Variants in ANKRD40 observed in about 807,000 individuals in gnomAD.
ANKRD40 encodes ankyrin repeat domain-containing protein 40.
Under a neutral mutation model 35.5 loss-of-function variants are expected in ANKRD40, and 24 were observed. The ratio of observed to expected loss-of-function variants is 0.68; its 90% confidence interval spans 0.49 to 0.95. ANKRD40 has a LOEUF of 0.95. Among genes scored for constraint, ANKRD40 ranks in the 40% least tolerant of loss-of-function variants. The pLI is 0.00. For missense variants in ANKRD40, 361 were observed against 436.0 expected (o/e 0.83, Z 1.53); for synonymous variants, 147 against 173.5 (o/e 0.85, Z 1.20).
chr17:50,702,211 C>A (rs931515881), intron 1 of ANKRD40, among the ~76,000 whole-genome samples: 1 of 152,266 alleles, frequency 6.6e-6, no homozygotes, highest in East Asian at 1.9e-4. Flanking sequence ...TTGAGACCAG[C>A]CTGCCCAATA....
chr17:50,699,861 C>A lies in ANKRD40; in HGVS notation c.316G>T (p.Asp106Tyr), dbSNP rs753650876. The change falls in exon 3 of 5, where the codon GAC becomes TAC. Residue 106 changes from aspartate (D) to tyrosine (Y), a missense_variant. This residue lies in a region of ANKRD40 where 172 missense variants were observed against 174.0 expected (regional missense o/e 0.99). Transcript: ENST00000285243. ...EEEDDDDDDDDNLPQLKKESE... is the reference protein window; with the variant it reads ...EEEDDDDDDDYNLPQLKKESE... ...TCCTTCTTCAGCTGGGGGAGGTTGT[C>A]ATCATCATCATCATCATCATCTTCT... 8 of 1,486,060 alleles carry A rather than the reference C, an allele frequency of 5.4e-6. No individual in the cohort carries two copies. Among genetic ancestry groups the A allele is most frequent in the Non-Finnish European group, 7.2e-6 (8 of 1,115,244 alleles). 92.1% of individuals were successfully genotyped at this position (1,486,060 alleles called of 1,614,324 possible).
Position 50,696,855 on chromosome 17 carries a change from C to T in ANKRD40, c.960+85G>A, listed in dbSNP as rs1567842834. 16 of 1,229,140 alleles carry T rather than the reference C, an allele frequency of 1.3e-5. 1 individual carries two copies. In the South Asian group the frequency reaches 2.5e-4, roughly 19 times the overall value. 76.1% of individuals were successfully genotyped at this position (1,229,140 alleles called of 1,614,324 possible). A position where few individuals can be genotyped will look rare whatever the true frequency, so the allele number is the denominator to read the frequency against. On this transcript the variant is annotated intron_variant, in intron 4 of 4. Transcript: ENST00000285243. Reference sequence around the variant, plus strand: ...GCTCCTTTTCTATTCTTTGTTTATTCCCTCAACTACCTCATATAACCAAGG... The same window carrying T: ...GCTCCTTTTCTATTCTTTGTTTATTTCCTCAACTACCTCATATAACCAAGG...
chr17:50,696,857 C>T, intron 4 of ANKRD40, 83 bp downstream of exon 4: 1 of 1,271,188 alleles, frequency 7.9e-7, no homozygotes, highest in Non-Finnish European at 1.1e-6. Context: ...TGTTTATTCC[C>T]TCAACTACCT....
Position 50,707,747 on chromosome 17 carries a change from G to T in ANKRD40, c.-93C>A. 1.0e-6 allele frequency: 1 copy of T among 959,144 alleles called. No individual in the cohort carries two copies. Among genetic ancestry groups the T allele is most frequent in the Non-Finnish European group, 1.3e-6 (1 of 772,692 alleles). The allele number at this position is 959,144 out of a possible 1,614,324, so 59.4% of individuals were successfully genotyped here. A position where few individuals can be genotyped will look rare whatever the true frequency, so the allele number is the denominator to read the frequency against. On this transcript the variant is annotated 5_prime_UTR_variant, in exon 1 of 5. Transcript: ENST00000285243. This position sits in a 1 kb window ranked among gnomAD's most constrained non-coding sequence, Gnocchi z 4.8. ...CCGCCGTCGCCGCGGCCCGCTCCCG[G>T]CCATGGGGAGGGAGCGCGGAACTCG...
At chr17:50,697,396 G>A (rs1278873782) in intron 3 of ANKRD40, among the ~76,000 whole-genome samples, 1 of 152,188 alleles carries the variant, frequency 6.6e-6, no homozygotes, top group Admixed American at 6.5e-5. Context: ...CAGCTATGTA[G>A]AAGGATAATT....
chr17:50,700,923 G>A, intron 1 of ANKRD40: 1 of 475,294 alleles, frequency 2.1e-6, no homozygotes, highest in Non-Finnish European at 3.7e-6. Flanking sequence ...TCTGGCTCCT[G>A]AGAAAAACTA....
At chr17:50,700,857 A>G in intron 1 of ANKRD40, 141 bp from the exon 2 acceptor site, 1 of 686,694 alleles carries the variant, frequency 1.5e-6, no homozygotes. Context: ...TCAACTTTTC[A>G]CAAAGCCGAT....
chr17:50,696,649 G>A (rs1353215611), intron 4 of ANKRD40: 4 of 277,818 alleles, frequency 1.4e-5, no homozygotes, highest in Non-Finnish European at 2.7e-5. Flanking sequence ...AGTGTGGCTG[G>A]TCTGAATGCA....
intron 1 of ANKRD40, among the ~76,000 whole-genome samples, chr17:50,705,087 C>T (rs1161093669): frequency 1.4e-5 from 2 of 141,898 alleles, no homozygotes; most frequent in Non-Finnish European, 3.0e-5. Flanking sequence ...CACCACTGCA[C>T]TCCAGCCTGG....
At chr17:50,696,512 T>G (rs1230912737) in intron 4 of ANKRD40, 1 of 233,966 alleles carries the variant, frequency 4.3e-6, no homozygotes, top group Non-Finnish European at 8.3e-6. Context: ...GTCCTTCACT[T>G]GTAAAACAGA....
Position 50,699,637 on chromosome 17 carries a change from G to C in ANKRD40, c.540C>G (p.Thr180=), listed in dbSNP as rs749200510. The C allele has an allele frequency of 1.2e-6, 2 of 1,614,178 alleles. No homozygotes were observed. Among genetic ancestry groups the C allele is most frequent in the Non-Finnish European group, 1.7e-6 (2 of 1,180,030 alleles). The change falls in exon 3 of 5, where the codon ACC becomes ACG. Residue 180 remains threonine (T), a synonymous_variant. Coordinates refer to ENST00000285243, the MANE Select transcript of ANKRD40 (RefSeq NM_052855.4). The part of the protein sequence containing the change: ...PLLGTFPRDH[T]SLALVQNGDV... ...CACCATTCTGAACTAGTGCCAAAGAGGTGTGGTCCCGGGGAAAGGTCCCTA... is the reference window on the plus strand; with the variant it reads ...CACCATTCTGAACTAGTGCCAAAGACGTGTGGTCCCGGGGAAAGGTCCCTA...
At chr17:50,700,927 A>G (rs992180894) in intron 1 of ANKRD40, 10 of 473,692 alleles carry the variant, frequency 2.1e-5, no homozygotes, top group African/African-American at 1.6e-4. Flanking sequence ...GCTCCTGAGA[A>G]AAACTAACTT....
At chr17:50,698,906 G>A (rs779725147) in intron 3 of ANKRD40, among the ~76,000 whole-genome samples, 1 of 149,706 alleles carries the variant, frequency 6.7e-6, no homozygotes, top group African/African-American at 2.5e-5. Context: ...TTGGGAGGCT[G>A]AGGCAGGCAG....
chr17:50,695,984 A>G lies in ANKRD40; in HGVS notation c.*13T>C, dbSNP rs754928063. 1 of 1,613,762 alleles carries G rather than the reference A, an allele frequency of 6.2e-7. No individual in the cohort carries two copies. The highest frequency in any genetic ancestry group is 8.5e-7 in the Non-Finnish European group (1 of 1,179,764). On this transcript the variant is annotated 3_prime_UTR_variant, in exon 5 of 5. Coordinates refer to ENST00000285243, the MANE Select transcript of ANKRD40 (RefSeq NM_052855.4). Reference sequence around the variant, plus strand: ...CACTGTCATAATACTCAGTGATAAAAGTCCCTGCTGCATTAGTAAGTCAGT... The same window carrying G: ...CACTGTCATAATACTCAGTGATAAAGGTCCCTGCTGCATTAGTAAGTCAGT...
intron 1 of ANKRD40, among the ~76,000 whole-genome samples, chr17:50,705,692 C>T (rs974877247): frequency 1.3e-4 from 19 of 143,488 alleles, no homozygotes; most frequent in African/African-American, 3.7e-4. Flanking sequence ...GACAGAGTCT[C>T]GCTCTGCCAC....
chr17:50,700,532 T>C (rs1968259818), intron 2 of ANKRD40, 36 bp downstream of exon 2: 5 of 1,609,400 alleles, frequency 3.1e-6, no homozygotes, highest in Non-Finnish European at 3.4e-6. Context: ...TCAATGAGTC[T>C]GAGGAAATCA....
rs1339776255 is a variant in ANKRD40, at chr17:50,696,951, G to C, written c.949C>G (p.Leu317Val). The change falls in exon 4 of 5, where the codon CTG becomes GTG. Residue 317 changes from leucine to valine, a missense_variant. By Grantham distance (32) the Leu-to-Val change is conservative (BLOSUM62 1). Coordinates refer to ENST00000285243, the MANE Select transcript of ANKRD40 (RefSeq NM_052855.4). ...VEKIRKLPNT[L>V]LRKDKDVARL... is the part of the protein sequence containing the mutation. ...TAGACTTTTCTTACCTTCCTTAACA[G>C]AGTATTGGGTAACTTTCTGATCTTC... is the stretch of plus-strand genomic sequence containing the variant. 1.2e-6 allele frequency: 2 copies of C among 1,604,790 alleles called. No homozygotes were observed. The highest frequency in any genetic ancestry group is 1.7e-6 in the Non-Finnish European group (2 of 1,176,372).
In ANKRD40 at chr17:50,694,344, A is replaced by G. The variant is rs985156876; in HGVS notation, c.*1653T>C. The G allele has an allele frequency of 6.6e-5, 10 of 152,204 alleles. No individual in the cohort carries two copies. The highest frequency in any genetic ancestry group is 1.5e-4 in the Non-Finnish European group (10 of 68,036). 9.4% of individuals were successfully genotyped at this position (152,204 alleles called of 1,614,324 possible). ...CTCAACCTCATTTCAGCATTTAGGC[A>G]GCAGCAGGAGGCCATTATCTTAGCA... On this transcript the variant is annotated 3_prime_UTR_variant, in exon 5 of 5. Coordinates refer to ENST00000285243, the MANE Select transcript of ANKRD40 (RefSeq NM_052855.4).
At chr17:50,704,325 G>A (rs903065492) in intron 1 of ANKRD40, among the ~76,000 whole-genome samples, 11 of 151,946 alleles carry the variant, frequency 7.2e-5, no homozygotes, top group Non-Finnish European at 1.3e-4. Flanking sequence ...GACCAGCTTG[G>A]CTAACATGGT....
Sources: allele counts gnomAD v4.1 joint callset (sites outside exome capture counted in the v4.1 genomes callset), GRCh38; gene constraint gnomAD v4.1.1; regional missense constraint gnomAD v4.1.1; non-coding constraint Gnocchi (gnomAD v3.1); transcripts MANE v1.5; gene names NCBI Gene and HGNC (gene_info 2026-07-23, HGNC 2026-07-21).